The following ULK2 variants were observed in gnomAD, a reference collection of about 807,000 sequenced individuals.
ULK2 encodes serine/threonine-protein kinase ULK2.
A neutral mutation model predicts 127.5 loss-of-function variants in ULK2; 76 were observed. That is an observed-to-expected ratio of 0.60 (90% CI 0.50 to 0.72). The LOEUF (loss-of-function observed/expected upper bound fraction) is 0.72, where lower values mean the gene tolerates loss of function less well. Ranked by LOEUF, ULK2 falls within the 30% of genes least tolerant of loss-of-function variation. The pLI is 0.00. For missense variants in ULK2, 1,144 were observed against 1,295.9 expected (o/e 0.88, Z 1.80); for synonymous variants, 452 against 461.9 (o/e 0.98, Z 0.28).
At chr17:19,858,745 G>A (rs2042182523) in intron 3 of ULK2, among the ~76,000 whole-genome samples, 1 of 152,172 alleles carries the variant, frequency 6.6e-6, no homozygotes, top group Admixed American at 6.6e-5. Flanking sequence ...CGAAGCAGGT[G>A]GACCACTTGA....
At chr17:19,867,174 A>C (rs368182987) in intron 1 of ULK2, among the ~76,000 whole-genome samples, 154 bp downstream of exon 1, 2 of 152,132 alleles carry the variant, frequency 1.3e-5, no homozygotes, top group East Asian at 1.9e-4. Flanking sequence ...CCCTCACAGG[A>C]CCAAAACAAA....
chr17:19,852,418 G>A (rs1270296004), intron 3 of ULK2, among the ~76,000 whole-genome samples: 9 of 150,236 alleles, frequency 6.0e-5, no homozygotes, highest in African/African-American at 9.8e-5. Flanking sequence ...CTACTTGGGA[G>A]GCTGAGGCAG....
chr17:19,815,307 C>T (rs1305062193), intron 13 of ULK2, among the ~76,000 whole-genome samples: 1 of 152,076 alleles, frequency 6.6e-6, no homozygotes, highest in Non-Finnish European at 1.5e-5. Flanking sequence ...GTCACCCAGG[C>T]TGGAGTACAA....
intron 10 of ULK2, among the ~76,000 whole-genome samples, chr17:19,826,986 A>G (rs926337723): frequency 2.0e-5 from 3 of 151,968 alleles, no homozygotes; most frequent in Non-Finnish European, 4.4e-5. Flanking sequence ...CTACAAAAAC[A>G]ATACATTCAA....
chr17:19,860,795 A>G (rs925926982), intron 3 of ULK2: 1 of 152,220 alleles, frequency 6.6e-6, no homozygotes, highest in African/African-American at 2.4e-5. Flanking sequence ...AAGTGCTGGT[A>G]TTACAGGCAT....
At chr17:19,819,384 T>C (rs946105707) in intron 12 of ULK2, among the ~76,000 whole-genome samples, 3 of 152,186 alleles carry the variant, frequency 2.0e-5, no homozygotes, top group African/African-American at 7.2e-5. Context: ...TGAGTCTCTT[T>C]TGTGAGTACA....
At chr17:19,777,762 A>C (rs2086839405) in intron 25 of ULK2, 46 bp from the exon 26 acceptor site, 3 of 1,572,320 alleles carry the variant, frequency 1.9e-6, no homozygotes, top group South Asian at 1.2e-5. Context: ...TTTTCCAAGA[A>C]AATACAAATC....
chr17:19,845,164 T>C (rs1386667361), intron 7 of ULK2, 140 bp downstream of exon 7: 5 of 681,282 alleles, frequency 7.3e-6, no homozygotes, highest in Admixed American at 6.0e-5. Flanking sequence ...TATAGCATTA[T>C]CAGTAATATA....
rs562906053 is a variant in ULK2 at position 19,858,884 on chromosome 17, T to C, written c.225+5919A>G. Among the ~76,000 whole-genome samples, 12 of 151,362 alleles carry C rather than the reference T, an allele frequency of 7.9e-5. No individual in the cohort carries two copies. In the South Asian group the frequency reaches 1.5e-3, roughly 18 times the overall value. Reference sequence around the variant, plus strand: ...ACTTGGGAGGCTGAGGCAGGAGAACTGCTTGAGCCCAGAAGGCAGAGGTTG... The same window carrying C: ...ACTTGGGAGGCTGAGGCAGGAGAACCGCTTGAGCCCAGAAGGCAGAGGTTG... On this transcript the variant is annotated intron_variant, in intron 3 of 26. Coordinates refer to ENST00000395544, the MANE Select transcript of ULK2 (RefSeq NM_014683.4).
In ULK2 at chr17:19,801,869, C is replaced by T. The variant is rs1184536917; in HGVS notation, c.1349G>A (p.Gly450Glu). 1 of 1,614,018 alleles carries T rather than the reference C, an allele frequency of 6.2e-7. No individual in the cohort carries two copies. The highest frequency in any genetic ancestry group is 1.1e-5 in the South Asian group (1 of 91,072). ...NTSPMGFLRP[G>E]SCSPVPADTA... ...GTCTGCTGGTACTGGGGAGCATGAT[C>T]CCGGCCGGAGGAAGCCCATGGGGCT... The change falls in exon 16 of 27, where the codon GGA becomes GAA. Residue 450 changes from glycine to glutamate, a missense_variant. By Grantham distance (98) the Gly-to-Glu change is moderately conservative. Coordinates refer to ENST00000395544, the MANE Select transcript of ULK2 (RefSeq NM_014683.4).
At chr17:19,783,106 A>G (rs1248962433) in intron 22 of ULK2, among the ~76,000 whole-genome samples, 1 of 152,204 alleles carries the variant, frequency 6.6e-6, no homozygotes, top group Non-Finnish European at 1.5e-5. Flanking sequence ...ATTGACTTCT[A>G]AAAGTCTCTC....
chr17:19,860,230 C>T (rs1038668420), intron 3 of ULK2, among the ~76,000 whole-genome samples: 1 of 152,172 alleles, frequency 6.6e-6, no homozygotes, highest in Non-Finnish European at 1.5e-5. Context: ...ATTTGATTAA[C>T]TGTGGGTATA....
chr17:19,838,018 G>GC (rs945564474), intron 10 of ULK2, among the ~76,000 whole-genome samples: 2 of 152,228 alleles, frequency 1.3e-5, no homozygotes, highest in African/African-American at 4.8e-5. Context: ...AAGCTTACAG[G>GC]CATGCTCCCA....
chr17:19,814,425 TATATATATATA>T (rs2040919530), intron 13 of ULK2, among the ~76,000 whole-genome samples: 1 of 14,998 alleles, frequency 6.7e-5, no homozygotes, highest in Middle Eastern at 0.031. Context: ...TATATATATA[TATATATATATA>T]TATTTTTTTT....
In ULK2 at chr17:19,774,065, T is replaced by A. The variant is rs1365077090; in HGVS notation, c.*2284A>T. ...AATAGCTGGTCAGCAATTTTCCAGG[T>A]TATGGCTTGAATACAGGTGTCAACC... On this transcript the variant is annotated 3_prime_UTR_variant, in exon 27 of 27. Coordinates refer to ENST00000395544, the MANE Select transcript of ULK2 (RefSeq NM_014683.4). The A allele has an allele frequency of 6.6e-6, 1 of 152,590 alleles. No individual in the cohort carries two copies. The highest frequency in any genetic ancestry group is 6.5e-5 in the Admixed American group (1 of 15,282). The allele number at this position is 152,590 out of a possible 1,614,324, so 9.5% of individuals were successfully genotyped here.
chr17:19,848,551 G>A (rs2041945966), intron 5 of ULK2, among the ~76,000 whole-genome samples: 1 of 152,124 alleles, frequency 6.6e-6, no homozygotes, highest in Admixed American at 6.6e-5. Context: ...GGCTGAGGCG[G>A]GCCGATCACG....
At chr17:19,827,157 A>G (rs2152393296) in intron 10 of ULK2, among the ~76,000 whole-genome samples, 1 of 152,326 alleles carries the variant, frequency 6.6e-6, no homozygotes, top group East Asian at 1.9e-4. Context: ...GAAAATAGGT[A>G]TTCAGACCAT....
At chr17:19,804,567 T>C (rs2087471996) in intron 15 of ULK2, 126 bp downstream of exon 15, 1 of 966,520 alleles carries the variant, frequency 1.0e-6, no homozygotes, top group Non-Finnish European at 1.4e-6. Context: ...TATTCAATTT[T>C]GTGCGTTCCC....
At chr17:19,845,935 CCT>C (rs560387234) in intron 6 of ULK2, among the ~76,000 whole-genome samples, 1 of 151,998 alleles carries the variant, frequency 6.6e-6, no homozygotes, top group East Asian at 1.9e-4. Context: ...ACGGTGAAAC[CCT>C]GTCTCTACTG....
Sources: allele counts gnomAD v4.1 joint callset (sites outside exome capture counted in the v4.1 genomes callset), GRCh38; gene constraint gnomAD v4.1.1; transcripts MANE v1.5; gene names NCBI Gene and HGNC (gene_info 2026-07-23, HGNC 2026-07-21).